Variants in SLC9B1 observed in about 807,000 individuals in gnomAD.
SLC9B1 encodes the protein solute carrier family 9 member B1, also known as sodium/hydrogen exchanger 9B1.
A neutral mutation model predicts 51.7 loss-of-function variants in SLC9B1; 32 were observed. The observed-to-expected ratio is 0.62, with a 90% confidence interval of 0.47 to 0.83. The LOEUF (loss-of-function observed/expected upper bound fraction) is 0.83, where lower values mean the gene tolerates loss of function less well. Among genes scored for constraint, SLC9B1 ranks in the 40% least tolerant of loss-of-function variants. The pLI, the probability that SLC9B1 is intolerant of heterozygous loss-of-function variation, is 0.00. For synonymous variants in SLC9B1, 145 were observed against 212.7 expected, an observed-to-expected ratio of 0.68 and a Z score of 2.77; for missense variants, 406 against 613.2, an observed-to-expected ratio of 0.66 and a Z score of 3.57.
chr4:102,965,823 A>G (rs1287901539), intron 3 of SLC9B1, among the ~76,000 whole-genome samples: 1 of 152,214 alleles, frequency 6.6e-6, no homozygotes, highest in African/African-American at 2.4e-5. Context: ...CCAAGATACA[A>G]TGGTGGAATA....
chr4:102,963,188 T>C, intron 3 of SLC9B1: 1 of 355,256 alleles, frequency 2.8e-6, no homozygotes, highest in Non-Finnish European at 5.5e-6. Context: ...ATCCATCACA[T>C]GCACCACAAT....
intron 7 of SLC9B1, among the ~76,000 whole-genome samples, chr4:102,923,625 C>A (rs1166850114): frequency 3.9e-5 from 6 of 151,922 alleles, no homozygotes; most frequent in African/African-American, 1.5e-4. Flanking sequence ...GTCAAATTGT[C>A]CCTGTTTGCA....
In SLC9B1 at chr4:102,954,407, C is replaced by T. The variant is rs1166098133; in HGVS notation, c.212-4980G>A. ...TATTGAGGATTTTTGCATCAATGTT[C>T]ATCAAGGATATTGGTCTAAAATTCT... On this transcript the variant is annotated intron_variant, in intron 3 of 11. Coordinates refer to ENST00000296422, the MANE Select transcript of SLC9B1 (RefSeq NM_139173.4). 4.5e-5 allele frequency among the ~76,000 whole-genome samples: 4 copies of T among 89,636 alleles called. 2 individuals carry two copies. The highest frequency in any genetic ancestry group is 8.4e-5 in the Non-Finnish European group (4 of 47,574). The allele number at this position is 89,636 out of a possible 152,430, so 58.8% of individuals were successfully genotyped here.
chr4:102,968,593 C>T (rs1738558155), intron 3 of SLC9B1, among the ~76,000 whole-genome samples: 1 of 152,266 alleles, frequency 6.6e-6, no homozygotes, highest in African/African-American at 2.4e-5. Context: ...CAGCTCCTGT[C>T]TGCAGCTCTC....
At chr4:102,939,087 A>C (rs1736859585) in intron 6 of SLC9B1, among the ~76,000 whole-genome samples, 1 of 151,852 alleles carries the variant, frequency 6.6e-6, no homozygotes, top group Non-Finnish European at 1.5e-5. Flanking sequence ...TGAAACTAAA[A>C]GCTGGTTCTT....
At chr4:102,935,232 T>C (rs1193019948) in intron 6 of SLC9B1, among the ~76,000 whole-genome samples, 1 of 152,100 alleles carries the variant, frequency 6.6e-6, no homozygotes, top group Non-Finnish European at 1.5e-5. Context: ...AACACATATA[T>C]AAAAGATATT....
intron 3 of SLC9B1, among the ~76,000 whole-genome samples, chr4:102,984,474 G>A (rs910908061): frequency 3.3e-5 from 5 of 152,114 alleles, no homozygotes; most frequent in African/African-American, 4.8e-5. Context: ...ATCTAGAAGT[G>A]TGTTGTTTAA....
chr4:102,955,260 T>C (rs1737725788), intron 3 of SLC9B1, among the ~76,000 whole-genome samples: 1 of 152,172 alleles, frequency 6.6e-6, no homozygotes, highest in African/African-American at 2.4e-5. Flanking sequence ...ATCTTCCTCA[T>C]TTTCTCTTGC....
chr4:103,019,696 A>G lies in SLC9B1; in HGVS notation c.-99T>C. 1.0e-6 allele frequency: 1 copy of G among 985,486 alleles called. No homozygotes were observed. Among genetic ancestry groups the G allele is most frequent in the Non-Finnish European group, 1.2e-6 (1 of 829,966 alleles). The allele number at this position is 985,486 out of a possible 1,614,324, so 61.0% of individuals were successfully genotyped here. A position where few individuals can be genotyped will look rare whatever the true frequency, so the allele number is the denominator to read the frequency against. On this transcript the variant is annotated 5_prime_UTR_variant, in exon 1 of 12. Coordinates refer to ENST00000296422, the MANE Select transcript of SLC9B1 (RefSeq NM_139173.4). ...CGCCACCCAGGTGGGCAGGGTGGTG[A>G]CGCGAAAGCCCGGATAGACTTCCGC...
intron 5 of SLC9B1, among the ~76,000 whole-genome samples, chr4:102,946,308 G>GTTTGT: frequency 6.6e-6 from 1 of 152,014 alleles, no homozygotes; most frequent in East Asian, 1.9e-4. Context: ...TCTTCTGTTT[G>GTTTGT]TTTGTTTTGT....
At chr4:102,950,359 A>G (rs1737485414) in intron 3 of SLC9B1, among the ~76,000 whole-genome samples, 1 of 152,198 alleles carries the variant, frequency 6.6e-6, no homozygotes, top group Non-Finnish European at 1.5e-5. Flanking sequence ...GGTATAAGTT[A>G]CTAGACATCT....
At chr4:102,885,230 C>G in exon 12 of SLC9B1, 1 of 1,613,928 alleles carries the variant, frequency 6.2e-7, no homozygotes, top group Non-Finnish European at 8.5e-7. Context: ...AGAATGGCTT[C>G]GGTTATTGCC....
chr4:102,966,691 C>G (rs1321234116), intron 3 of SLC9B1, among the ~76,000 whole-genome samples: 1 of 152,158 alleles, frequency 6.6e-6, no homozygotes, highest in Non-Finnish European at 1.5e-5. Flanking sequence ...TCTGAAATGT[C>G]TTCAGGGCCT....
At chr4:102,978,719 G>A (rs924354191) in intron 3 of SLC9B1, among the ~76,000 whole-genome samples, 1 of 152,154 alleles carries the variant, frequency 6.6e-6, no homozygotes. Flanking sequence ...GTTGGTGGGA[G>A]TGTAAACTAG....
At chr4:102,903,723 TAGG>T (rs1259365205) in intron 11 of SLC9B1, among the ~76,000 whole-genome samples, 3 of 152,234 alleles carry the variant, frequency 2.0e-5, no homozygotes, top group Admixed American at 6.5e-5. Flanking sequence ...CAATATATTT[TAGG>T]AGGAGGAGAA....
chr4:103,000,165 C>T (rs1740446947), intron 1 of SLC9B1, among the ~76,000 whole-genome samples: 1 of 152,274 alleles, frequency 6.6e-6, no homozygotes, highest in East Asian at 1.9e-4. Context: ...ATGGAGATTA[C>T]AATATGAGAT....
chr4:103,003,875 C>A (rs1740653182), intron 1 of SLC9B1, among the ~76,000 whole-genome samples: 1 of 152,142 alleles, frequency 6.6e-6, no homozygotes, highest in Non-Finnish European at 1.5e-5. Context: ...ATGAAGCCAG[C>A]CAACTGAACC....
intron 1 of SLC9B1, among the ~76,000 whole-genome samples, chr4:103,004,426 G>C (rs1376121183): frequency 2.0e-5 from 3 of 151,996 alleles, no homozygotes; most frequent in African/African-American, 7.3e-5. Flanking sequence ...GAGAAATATG[G>C]GATTATGTAA....
chr4:102,969,572 C>T (rs777381110), intron 3 of SLC9B1, among the ~76,000 whole-genome samples: 2 of 152,186 alleles, frequency 1.3e-5, no homozygotes, highest in African/African-American at 2.4e-5. Context: ...AACCAGAGTG[C>T]CTCTTCTCCT....
Sources: gnomAD v4.1 joint callset for allele counts (sites outside exome capture counted in the v4.1 genomes callset) on GRCh38, gnomAD v4.1.1 for gene constraint, MANE v1.5 for transcripts, NCBI Gene and HGNC (gene_info 2026-07-23, HGNC 2026-07-21) for gene names.